The following PIEZO2 variants were observed in gnomAD, a reference collection of about 807,000 sequenced individuals.
The protein encoded by PIEZO2 is piezo type mechanosensitive ion channel component 2.
In PIEZO2, 172 loss-of-function variants were observed where a neutral mutation model predicts 337.3. That is an observed-to-expected ratio of 0.51 (90% CI 0.45 to 0.58). The LOEUF is 0.58. Ranked by LOEUF, PIEZO2 falls within the 20% of genes least tolerant of loss-of-function variation. The pLI is 0.00. For missense variants in PIEZO2, 3,028 were observed against 3,391.3 expected (o/e 0.89, Z 2.66); for synonymous variants, 1,251 against 1,228.5 (o/e 1.02, Z -0.38).
At chr18:10,691,786 T>C (rs201947654) in intron 47 of PIEZO2, among the ~76,000 whole-genome samples, 609 of 15,634 alleles carry the variant, frequency 0.039, 47 homozygotes, top group African/African-American at 0.048. Flanking sequence ...CACACACATA[T>C]ATATATATAT....
intron 4 of PIEZO2, among the ~76,000 whole-genome samples, chr18:10,876,041 A>G (rs2042259909): frequency 6.6e-6 from 1 of 152,266 alleles, no homozygotes; most frequent in Non-Finnish European, 1.5e-5. Flanking sequence ...CTGCCATTGC[A>G]GAAACAATGA....
chr18:10,807,750 G>C (rs1444600257), intron 7 of PIEZO2, among the ~76,000 whole-genome samples: 2 of 145,130 alleles, frequency 1.4e-5, no homozygotes, highest in East Asian at 4.2e-4. Flanking sequence ...TATTGGGCTA[G>C]TTCTACAGTT....
intron 1 of PIEZO2, among the ~76,000 whole-genome samples, chr18:11,121,770 C>T (rs902398460): frequency 2.0e-5 from 3 of 152,168 alleles, no homozygotes; most frequent in Non-Finnish European, 4.4e-5. Flanking sequence ...CTCTATTACA[C>T]TATTAAATCC....
rs1282616352 is a variant in PIEZO2 at position 10,846,538 on chromosome 18, G to A, written c.917+8815C>T. Among the ~76,000 whole-genome samples the A allele has an allele frequency of 6.6e-6, 1 of 152,190 alleles. No homozygotes were observed. Among genetic ancestry groups the A allele is most frequent in the East Asian group, 1.9e-4 (1 of 5,200 alleles). ...AACTAAGAGTTCCTGAGAGGCCAAT[G>A]TATGTCAGCAGTGTTAAATCCTGAG... On this transcript the variant is annotated intron_variant, in intron 7 of 55. Coordinates refer to ENST00000674853, the MANE Select transcript of PIEZO2 (RefSeq NM_001378183.1). The surrounding 1 kb of genome is among the most constrained non-coding windows in gnomAD (Gnocchi z 4.1).
chr18:10,890,738 T>G (rs2144929788), intron 4 of PIEZO2: 1 of 151,984 alleles, frequency 6.6e-6, no homozygotes, highest in Admixed American at 6.5e-5. Context: ...CGGCTCAAGA[T>G]GAGATCTGGG....
At chr18:10,920,144 T>A (rs964163454) in intron 3 of PIEZO2, among the ~76,000 whole-genome samples, 9 of 152,132 alleles carry the variant, frequency 5.9e-5, no homozygotes, top group African/African-American at 2.2e-4. Context: ...AATAGAAGCC[T>A]CCTTCTGAGA....
chr18:11,106,881 A>G lies in PIEZO2; in HGVS notation c.65-40659T>C, dbSNP rs114552844. ...ACAAACACTTAAGTCACTGCTCTGG[A>G]GCTTGCCACAGTTCCCCACTGGAGT... On this transcript the variant is annotated intron_variant, in intron 1 of 55. Transcript: ENST00000674853. Among the ~76,000 whole-genome samples the G allele has an allele frequency of 8.0e-3, 1,219 of 152,262 alleles. 16 individuals are homozygous for G. The highest frequency in any genetic ancestry group is 0.028 in the African/African-American group (1,143 of 41,552).
At chr18:10,737,510 C>A (rs1198841908) in intron 33 of PIEZO2, among the ~76,000 whole-genome samples, 1 of 152,132 alleles carries the variant, frequency 6.6e-6, no homozygotes, top group African/African-American at 2.4e-5. Flanking sequence ...ACAAGGAACT[C>A]CCCAGCAGCT....
rs7243113 is a variant in PIEZO2, at chr18:10,727,910, G to A, written c.5029+3497C>T. 0.46 allele frequency: 69,437 copies of A among 150,872 alleles called. 16,599 individuals carry two copies. The highest frequency in any genetic ancestry group is 0.55 in the South Asian group (2,608 of 4,784). The allele number at this position is 150,872 out of a possible 1,614,324, so 9.3% of individuals were successfully genotyped here. A position where few individuals can be genotyped will look rare whatever the true frequency, so the allele number is the denominator to read the frequency against. On this transcript the variant is annotated intron_variant, in intron 36 of 55. Transcript: ENST00000674853. The surrounding 1 kb of genome is among the most constrained non-coding windows in gnomAD (Gnocchi z 6.3). ...TAAGTTACTGGTCAGAATCCTCACT[G>A]AGCTCCCAGTCCAGAGGGAAGCCAG...
At chr18:10,885,943 A>C (rs1162846846) in intron 4 of PIEZO2, among the ~76,000 whole-genome samples, 1 of 152,142 alleles carries the variant, frequency 6.6e-6, no homozygotes, top group Admixed American at 6.5e-5. Context: ...AGTCAAGTAC[A>C]TAGGTTTAGA....
At position 11,031,404 on chromosome 18, in the gene PIEZO2, T is replaced by G. The variant is rs1367566301; in HGVS notation, c.160+34723A>C. ...TTACTTTTGAAAGTATACTCCACTC[T>G]TAATTCTTACATTTTATACCAGAAA... On this transcript the variant is annotated intron_variant, in intron 2 of 55. Transcript: ENST00000674853. The surrounding 1 kb of genome is among the most constrained non-coding windows in gnomAD (Gnocchi z 4.7). 6.6e-6 allele frequency among the ~76,000 whole-genome samples: 1 copy of G among 152,142 alleles called. No individual in the cohort carries two copies. Among genetic ancestry groups the G allele is most frequent in the Non-Finnish European group, 1.5e-5 (1 of 68,018 alleles).
intron 12 of PIEZO2, among the ~76,000 whole-genome samples, chr18:10,796,180 C>A (rs200947726): frequency 6.6e-6 from 1 of 151,354 alleles, no homozygotes; most frequent in Non-Finnish European, 1.5e-5. Flanking sequence ...CTGGCTAACA[C>A]GGTGAAACCC....
At position 10,834,835 on chromosome 18, in the gene PIEZO2, C is replaced by T. The variant is rs995882381; in HGVS notation, c.917+20518G>A. ...AGCTTTCACAAGAAACTCCAGTGCC[C>T]TTTTCCCACACCTGCCTCCATCACT... On this transcript the variant is annotated intron_variant, in intron 7 of 55. Transcript: ENST00000674853. This position sits in a 1 kb window ranked among gnomAD's most constrained non-coding sequence, Gnocchi z 4.5. Among the ~76,000 whole-genome samples, 1 of 152,228 alleles carries T rather than the reference C, an allele frequency of 6.6e-6. No homozygotes were observed. The highest frequency in any genetic ancestry group is 2.4e-5 in the African/African-American group (1 of 41,462).
At chr18:10,986,336 A>C (rs531972947) in intron 2 of PIEZO2, among the ~76,000 whole-genome samples, 3 of 152,036 alleles carry the variant, frequency 2.0e-5, no homozygotes, top group Non-Finnish European at 4.4e-5. Flanking sequence ...ACAGTCCTCA[A>C]CAATATACTA....
intron 2 of PIEZO2, among the ~76,000 whole-genome samples, chr18:11,010,882 A>G (rs150468483): frequency 2.0e-3 from 304 of 152,350 alleles, no homozygotes; most frequent in Non-Finnish European, 3.4e-3. Flanking sequence ...GAATAATTAT[A>G]TTAGTGTATG....
chr18:10,922,995 G>A (rs2031520523), intron 3 of PIEZO2, among the ~76,000 whole-genome samples: 1 of 152,084 alleles, frequency 6.6e-6, no homozygotes, highest in Admixed American at 6.5e-5. Flanking sequence ...TGCTCTGAAA[G>A]CTACTTTAAA....
At chr18:10,697,955 C>A in intron 44 of PIEZO2, 75 bp from the exon 45 acceptor site, 3 of 1,512,640 alleles carry the variant, frequency 2.0e-6, no homozygotes, top group Admixed American at 4.3e-5. Context: ...AGAAGCAGAA[C>A]CCAGAGCCCA....
chr18:10,782,065 T>TAA (rs1026998439), intron 17 of PIEZO2, among the ~76,000 whole-genome samples: 9 of 148,142 alleles, frequency 6.1e-5, no homozygotes, highest in East Asian at 3.9e-4. Context: ...GAAGAGTTGC[T>TAA]AAAAATATAT....
At chr18:11,055,935 G>A (rs1048127931) in intron 2 of PIEZO2, among the ~76,000 whole-genome samples, 1 of 152,182 alleles carries the variant, frequency 6.6e-6, no homozygotes, top group Non-Finnish European at 1.5e-5. Context: ...GCTCCATCAG[G>A]GACAAAGGTC....
Sources: allele counts gnomAD v4.1 joint callset (sites outside exome capture counted in the v4.1 genomes callset), GRCh38; gene constraint gnomAD v4.1.1; non-coding constraint Gnocchi (gnomAD v3.1); transcripts MANE v1.5; gene names NCBI Gene and HGNC (gene_info 2026-07-23, HGNC 2026-07-21).